RAB38: variants seen among roughly 807,000 people sequenced by gnomAD.
RAB38 encodes the protein ras-related protein Rab-38.
In RAB38, 15 loss-of-function variants were observed where a neutral mutation model predicts 18.4. The observed-to-expected ratio is 0.82, with a 90% CI of 0.55 to 1.26. The LOEUF (loss-of-function observed/expected upper bound fraction) is 1.26. Ranked by LOEUF, RAB38 falls within the 50% of genes most tolerant of loss-of-function variation. The pLI is 0.00. For synonymous variants in RAB38, 101 were observed against 104.4 expected (o/e 0.97, Z 0.20); for missense variants, 294 against 267.4 (o/e 1.10, Z -0.69).
chr11:88,146,726 C>T (rs1942991558), intron 2 of RAB38, among the ~76,000 whole-genome samples: 1 of 152,202 alleles, frequency 6.6e-6, no homozygotes, highest in Admixed American at 6.5e-5. Flanking sequence ...TAACCTGGCA[C>T]AGGCAAGCCG....
At chr11:88,029,314 G>A in the RAB38 span, among the ~76,000 whole-genome samples, 1 of 151,476 alleles carries the variant, frequency 6.6e-6, no homozygotes, top group African/African-American at 2.4e-5. Context: ...GGAAGAAACT[G>A]CATCAACTAA....
chr11:87,969,307 C>A, the RAB38 span, among the ~76,000 whole-genome samples: 20 of 152,216 alleles, frequency 1.3e-4, no homozygotes, highest in South Asian at 2.1e-4. Flanking sequence ...ATATCCCCCC[C>A]CAATAGAGTA....
intron 1 of RAB38, among the ~76,000 whole-genome samples, chr11:88,157,933 C>G (rs1591175354): frequency 6.6e-6 from 1 of 151,876 alleles, no homozygotes; most frequent in East Asian, 1.9e-4. Context: ...AAAATCAGAG[C>G]AGAACAGAAT....
chr11:88,003,850 ATAAT>A, the RAB38 span, among the ~76,000 whole-genome samples: 151 of 32,408 alleles, frequency 4.7e-3, 8 homozygotes, highest in South Asian at 7.8e-3. Context: ...ATTTATATAT[ATAAT>A]TATATAAATA....
the RAB38 span, among the ~76,000 whole-genome samples, chr11:87,826,209 G>C: frequency 6.6e-6 from 1 of 152,090 alleles, no homozygotes; most frequent in African/African-American, 2.4e-5. Context: ...TTCAGTGGTA[G>C]GAGTAACAGG....
chr11:88,094,552 T>C, the RAB38 span, among the ~76,000 whole-genome samples: 2 of 151,930 alleles, frequency 1.3e-5, no homozygotes, highest in Non-Finnish European at 1.5e-5. Context: ...GTCTCCACTT[T>C]CCTCCTAATC....
At chr11:87,926,388 A>G in the RAB38 span, among the ~76,000 whole-genome samples, 2 of 152,072 alleles carry the variant, frequency 1.3e-5, no homozygotes, top group East Asian at 3.9e-4. Flanking sequence ...AAGCTAGATC[A>G]CTTCACTCAG....
chr11:88,100,211 GA>G, the RAB38 span: 1 of 151,938 alleles, frequency 6.6e-6, no homozygotes, highest in Non-Finnish European at 1.5e-5. Flanking sequence ...CTAAAAAGTT[GA>G]AAAGTCACCC....
chr11:87,850,470 G>A, the RAB38 span, among the ~76,000 whole-genome samples: 1 of 149,886 alleles, frequency 6.7e-6, no homozygotes, highest in East Asian at 1.9e-4. Context: ...CAGAGAGCGT[G>A]TGTGTGTGTG....
At chr11:87,870,057 T>C in the RAB38 span, among the ~76,000 whole-genome samples, 21 of 151,830 alleles carry the variant, frequency 1.4e-4, no homozygotes, top group Non-Finnish European at 2.8e-4. Flanking sequence ...ATATTACCTG[T>C]AGAATAGAAG....
the RAB38 span, among the ~76,000 whole-genome samples, chr11:87,959,134 G>A: frequency 6.6e-6 from 1 of 152,116 alleles, no homozygotes; most frequent in Non-Finnish European, 1.5e-5. Flanking sequence ...TGGGCCCATA[G>A]CTGCACAGTA....
At chr11:87,972,418 A>G in the RAB38 span, among the ~76,000 whole-genome samples, 1 of 152,006 alleles carries the variant, frequency 6.6e-6, no homozygotes, top group African/African-American at 2.4e-5. Context: ...TTTACAGAGC[A>G]CTGACACCCA....
the RAB38 span, among the ~76,000 whole-genome samples, chr11:87,831,689 G>A: frequency 6.6e-6 from 1 of 152,172 alleles, no homozygotes; most frequent in Admixed American, 6.6e-5. Flanking sequence ...TACCTTGGAA[G>A]CTTGGCTCAG....
At chr11:87,913,950 T>C in the RAB38 span, among the ~76,000 whole-genome samples, 1 of 152,138 alleles carries the variant, frequency 6.6e-6, no homozygotes, top group Admixed American at 6.6e-5. Flanking sequence ...ATATTTTTTT[T>C]TTCTTTAGAG....
At chr11:88,146,561 C>T (rs1221883568) in intron 2 of RAB38, among the ~76,000 whole-genome samples, 1 of 152,222 alleles carries the variant, frequency 6.6e-6, no homozygotes, top group African/African-American at 2.4e-5. Flanking sequence ...ACAGTTTAAT[C>T]TAGGCCTCAG....
the RAB38 span, among the ~76,000 whole-genome samples, chr11:87,898,571 T>C: frequency 6.6e-6 from 1 of 151,730 alleles, no homozygotes; most frequent in Non-Finnish European, 1.5e-5. Flanking sequence ...GCCTAACACC[T>C]GGCACATACT....
chr11:87,933,235 CAG>C, the RAB38 span, among the ~76,000 whole-genome samples: 1 of 152,072 alleles, frequency 6.6e-6, no homozygotes, highest in African/African-American at 2.4e-5. Flanking sequence ...GGCTTTATAA[CAG>C]AAATAACATA....
At chr11:88,119,836 T>A (rs1229934175) in intron 2 of RAB38, among the ~76,000 whole-genome samples, 1 of 152,120 alleles carries the variant, frequency 6.6e-6, no homozygotes, top group East Asian at 1.9e-4. Flanking sequence ...CCCTGTGAAA[T>A]TTTAATTAGA....
chr11:88,113,991 G>A lies in RAB38; in HGVS notation c.633C>T (p.Ser211=). ...CAGACACCAGCAAAGGTGCCTACTA[G>A]GATTTGGCACAGCCAGAGCAGCTGG... is the stretch of plus-strand genomic sequence containing the variant. The part of the protein sequence containing the change: ...KVASCSGCAK[S] Residue 211 remains serine, a synonymous_variant, in exon 3 of 3, where the codon TCC becomes TCT. Transcript: ENST00000243662. 6.2e-7 allele frequency: 1 copy of A among 1,614,132 alleles called. No individual in the cohort carries two copies. The highest frequency in any genetic ancestry group is 8.5e-7 in the Non-Finnish European group (1 of 1,179,994).
Sources: allele counts gnomAD v4.1 joint callset (sites outside exome capture counted in the v4.1 genomes callset), GRCh38; gene constraint gnomAD v4.1.1; transcripts MANE v1.5; gene names NCBI Gene and HGNC (gene_info 2026-07-23, HGNC 2026-07-21).